PKD1L3: variants seen among roughly 807,000 people sequenced by gnomAD.
The protein encoded by PKD1L3 is polycystin 1 like 3, transient receptor potential channel interacting.
A neutral mutation model predicts 184.1 loss-of-function variants in PKD1L3; 239 were observed. That is an observed-to-expected ratio of 1.30 (90% CI 1.17 to 1.45). The LOEUF is 1.45. Ranked by LOEUF, PKD1L3 falls within the 40% of genes most tolerant of loss-of-function variation. The pLI, the probability that PKD1L3 is intolerant of heterozygous loss-of-function variation, is 0.00. For synonymous variants in PKD1L3, 996 were observed against 778.8 expected, an observed-to-expected ratio of 1.28 and a Z score of -4.64; for missense variants, 2,660 against 2,067.2, an observed-to-expected ratio of 1.29 and a Z score of -5.56.
intron 10 of PKD1L3, among the ~76,000 whole-genome samples, chr16:71,977,674 T>A (rs1222792817): frequency 6.6e-6 from 1 of 151,732 alleles, no homozygotes; most frequent in Non-Finnish European, 1.5e-5. Flanking sequence ...TAGGATTATA[T>A]GCATGAGCCA....
chr16:71,998,309 G>A lies in PKD1L3; in HGVS notation c.381C>T (p.Asp127=). The A allele has an allele frequency of 6.4e-7, 1 of 1,552,208 alleles. No individual in the cohort carries two copies. Among genetic ancestry groups the A allele is most frequent in the Non-Finnish European group, 8.7e-7 (1 of 1,147,094 alleles). The change falls in exon 2 of 30, where the codon GAC becomes GAT. Residue 127 remains aspartate (D), a synonymous_variant. Coordinates refer to ENST00000620267, the MANE Select transcript of PKD1L3 (RefSeq NM_181536.2). ...RNFIRISSKG[D]KCLLKYYFIC... ...TGAAATAGTATTTCAGTAAGCACTT[G>A]TCCCCTTTGGATGAGATCCGAATGA...
chr16:71,984,717 G>C (rs1195943101), intron 5 of PKD1L3, among the ~76,000 whole-genome samples: 1 of 152,142 alleles, frequency 6.6e-6, no homozygotes, highest in African/African-American at 2.4e-5. Flanking sequence ...AAATTAACCA[G>C]GCTTGGTGGT....
At chr16:71,987,219 G>C (rs1395492007) in intron 4 of PKD1L3, among the ~76,000 whole-genome samples, 1 of 150,866 alleles carries the variant, frequency 6.6e-6, no homozygotes, top group African/African-American at 2.4e-5. Flanking sequence ...CACTGCACCC[G>C]GCTGAGGAGA....
At chr16:71,930,977 T>G (rs2037934226) in intron 28 of PKD1L3, 2 of 152,216 alleles carry the variant, frequency 1.3e-5, no homozygotes, top group African/African-American at 4.8e-5. Flanking sequence ...ATGATTATTA[T>G]AACAATTTCA....
At chr16:71,973,273 T>C in intron 12 of PKD1L3, 51 bp downstream of exon 12, 2 of 1,526,254 alleles carry the variant, frequency 1.3e-6, no homozygotes, top group Non-Finnish European at 1.8e-6. Flanking sequence ...GCATTGGGCT[T>C]AACAGTAGCT....
At chr16:71,941,581 CTTTTTTT>C (rs35509080) in intron 24 of PKD1L3, among the ~76,000 whole-genome samples, 1 of 102,216 alleles carries the variant, frequency 9.8e-6, no homozygotes, top group African/African-American at 3.7e-5. Context: ...CTATGACATT[CTTTTTTT>C]TTTTTTTTTT....
chr16:71,954,311 G>C lies in PKD1L3; in HGVS notation c.2613-10C>G, dbSNP rs1395121511. 4.6e-6 allele frequency: 7 copies of C among 1,509,854 alleles called. No individual in the cohort carries two copies. In the African/African-American group the frequency reaches 9.8e-5, roughly 21 times the overall value. The allele number at this position is 1,509,854 out of a possible 1,614,324, so 93.5% of individuals were successfully genotyped here. ...GGAGGAAAACAGATGTCTGAAAAGA[G>C]AAATCAGAAGAGGAAATACATGAGA... is the stretch of plus-strand genomic sequence containing the variant. On this transcript the variant is annotated splice_polypyrimidine_tract_variant and intron_variant, in intron 16 of 29. Transcript: ENST00000620267.
Position 71,993,205 on chromosome 16 carries a change from T to G in PKD1L3, c.535+11A>C. On this transcript the variant is annotated intron_variant, in intron 3 of 29. Transcript: ENST00000620267. ...CGGATTTTTAAGGTTACTAGAGGAG[T>G]AACGCATTACCTGGGGGCATTTTGT... The G allele has an allele frequency of 6.6e-7, 1 of 1,513,352 alleles. No individual in the cohort carries two copies. The highest frequency in any genetic ancestry group is 8.9e-7 in the Non-Finnish European group (1 of 1,117,404). 93.7% of individuals were successfully genotyped at this position (1,513,352 alleles called of 1,614,324 possible). A position where few individuals can be genotyped will look rare whatever the true frequency, so the allele number is the denominator to read the frequency against.
At chr16:71,943,930 GCTTTTTAACC>G in intron 23 of PKD1L3, 90 bp downstream of exon 23, 1 of 1,350,284 alleles carries the variant, frequency 7.4e-7, no homozygotes, top group Non-Finnish European at 1.0e-6. Flanking sequence ...TTAAAAGACA[GCTTTTTAACC>G]CTTCTTTATT....
chr16:71,976,581 C>T (rs2039933090), intron 11 of PKD1L3, among the ~76,000 whole-genome samples: 1 of 151,766 alleles, frequency 6.6e-6, no homozygotes, highest in African/African-American at 2.4e-5. Flanking sequence ...CTTATAACTG[C>T]ATGTGAATCT....
intron 22 of PKD1L3, among the ~76,000 whole-genome samples, chr16:71,947,012 T>G (rs1301907054): frequency 6.6e-6 from 1 of 151,002 alleles, no homozygotes; most frequent in South Asian, 2.1e-4. Flanking sequence ...ATCCCAGCAC[T>G]TGGGAGGCCG....
intron 7 of PKD1L3, among the ~76,000 whole-genome samples, 191 bp downstream of exon 7, chr16:71,981,868 A>C (rs2040171557): frequency 6.6e-6 from 1 of 152,050 alleles, no homozygotes; most frequent in South Asian, 2.1e-4. Flanking sequence ...TGATTACAGC[A>C]CTAGGGAGTC....
intron 28 of PKD1L3, among the ~76,000 whole-genome samples, chr16:71,931,463 CTTT>C (rs11405919): frequency 8.6e-6 from 1 of 115,912 alleles, no homozygotes; most frequent in Non-Finnish European, 1.7e-5. Context: ...TTCTCCCCCA[CTTT>C]TTTTTTTTTT....
Position 71,967,936 on chromosome 16 carries a change from T to G in PKD1L3, c.2256A>C (p.Gly752=). The change falls in exon 14 of 30, where the codon GGA becomes GGC. Residue 752 remains glycine (G), a synonymous_variant. Coordinates refer to ENST00000620267, the MANE Select transcript of PKD1L3 (RefSeq NM_181536.2). ...QFHYLIQVYT[G]YRRSAATTAK... Reference sequence around the variant, plus strand: ...CTGTTGTAGCAGCGCTTCTTCGATATCCGGTGTAGACCTGAATAAGGTAGT... The same window carrying G: ...CTGTTGTAGCAGCGCTTCTTCGATAGCCGGTGTAGACCTGAATAAGGTAGT... 1 of 1,551,594 alleles carries G rather than the reference T, an allele frequency of 6.4e-7. No individual in the cohort carries two copies. Among genetic ancestry groups the G allele is most frequent in the Non-Finnish European group, 8.7e-7 (1 of 1,146,860 alleles).
chr16:71,941,712 A>G lies in PKD1L3; in HGVS notation c.4324+848T>C, dbSNP rs34856796. ...CGATTCTTCTGCTTCAGCCTCCCGA[A>G]TAGTTGGGACTGCAGGCGCGAGCCA... On this transcript the variant is annotated intron_variant, in intron 24 of 29. Transcript: ENST00000620267. Among the ~76,000 whole-genome samples the G allele has an allele frequency of 4.7e-3, 711 of 151,222 alleles. 3 individuals carry two copies. Among genetic ancestry groups the G allele is most frequent in the Non-Finnish European group, 7.3e-3 (495 of 67,852 alleles).
chr16:71,950,095 G>GA, intron 20 of PKD1L3, 23 bp downstream of exon 20: 1 of 1,549,452 alleles, frequency 6.5e-7, no homozygotes. Flanking sequence ...AGGGGATAAA[G>GA]AAGGCTTGGT....
chr16:71,967,001 G>C (rs1403835929), intron 15 of PKD1L3, 136 bp downstream of exon 15: 2 of 1,016,596 alleles, frequency 2.0e-6, no homozygotes, highest in African/African-American at 1.6e-5. Context: ...TGTGTAGACA[G>C]CTTTGAAACT....
rs748035213 is a variant in PKD1L3 at position 71,983,659 on chromosome 16, CTTTCTTTTTTTTTTTT to C, written c.966+361_966+376del. On this transcript the variant is annotated intron_variant, in intron 6 of 29. Transcript: ENST00000620267. ...GCATAAGGCACAATCTCCAGATTCT[CTTTCTTTTTTTTTTTT>C]TTTTTTTTTTGGAGACACAGTCTCT... Among the ~76,000 whole-genome samples the C allele has an allele frequency of 1.0e-3, 93 of 92,434 alleles. 1 individual carries two copies. Among genetic ancestry groups the C allele is most frequent in the Middle Eastern group, 0.018 (2 of 114 alleles). 60.6% of individuals were successfully genotyped at this position (92,434 alleles called of 152,430 possible). A position where few individuals can be genotyped will look rare whatever the true frequency, so the allele number is the denominator to read the frequency against.
intron 13 of PKD1L3, 60 bp downstream of exon 13, chr16:71,969,815 T>C: frequency 7.0e-7 from 1 of 1,430,760 alleles, no homozygotes; most frequent in Non-Finnish European, 9.4e-7. Flanking sequence ...GTTTTTTCCT[T>C]CATCTTATTT....
Sources: allele counts gnomAD v4.1 joint callset (sites outside exome capture counted in the v4.1 genomes callset), GRCh38; gene constraint gnomAD v4.1.1; transcripts MANE v1.5; gene names NCBI Gene and HGNC (gene_info 2026-07-23, HGNC 2026-07-21).